Variants in FAM13A observed in about 807,000 individuals in gnomAD.
The protein encoded by FAM13A is family with sequence similarity 13 member A.
A neutral mutation model predicts 129.6 loss-of-function variants in FAM13A; 76 were observed. The observed-to-expected ratio is 0.59, with a 90% confidence interval of 0.49 to 0.71. The LOEUF is 0.71. Ranked by LOEUF, FAM13A falls within the 30% of genes least tolerant of loss-of-function variation. The pLI is 0.00. For synonymous variants in FAM13A, 443 were observed against 449.9 expected (o/e 0.98, Z 0.20); for missense variants, 1,108 against 1,249.3 (o/e 0.89, Z 1.70).
At chr4:88,742,162 T>A (rs949849926) in intron 19 of FAM13A, among the ~76,000 whole-genome samples, 1 of 152,194 alleles carries the variant, frequency 6.6e-6, no homozygotes, top group African/African-American at 2.4e-5. Flanking sequence ...TACTAGTTAT[T>A]TGGCAGAAAC....
intron 6 of FAM13A, among the ~76,000 whole-genome samples, chr4:88,869,133 T>C (rs1740935383): frequency 6.6e-6 from 1 of 152,212 alleles, no homozygotes; most frequent in Non-Finnish European, 1.5e-5. Flanking sequence ...ATAAGTCTAC[T>C]TTGTCTTCAT....
intron 6 of FAM13A, among the ~76,000 whole-genome samples, chr4:88,886,635 A>G (rs1744466892): frequency 6.7e-6 from 1 of 148,888 alleles, no homozygotes; most frequent in Admixed American, 6.7e-5. Flanking sequence ...GGCCTGGTGC[A>G]GTGGCTCACG....
chr4:88,959,060 T>C (rs1467201683), intron 4 of FAM13A, among the ~76,000 whole-genome samples: 1 of 152,258 alleles, frequency 6.6e-6, no homozygotes, highest in East Asian at 1.9e-4. Context: ...GTTTACCTAA[T>C]GCATATACCC....
intron 6 of FAM13A, among the ~76,000 whole-genome samples, chr4:88,890,103 T>C (rs1449383670): frequency 6.6e-6 from 1 of 152,116 alleles, no homozygotes; most frequent in Non-Finnish European, 1.5e-5. Flanking sequence ...GTCCAGCACA[T>C]GTGATGTTTT....
At chr4:88,986,226 C>T (rs778472672) in intron 4 of FAM13A, among the ~76,000 whole-genome samples, 23 of 152,086 alleles carry the variant, frequency 1.5e-4, no homozygotes, top group South Asian at 6.2e-4. Context: ...CTCCACCTCC[C>T]GGGTTCAAGT....
chr4:88,755,331 G>A (rs1422285032), intron 14 of FAM13A, among the ~76,000 whole-genome samples: 1 of 152,190 alleles, frequency 6.6e-6, no homozygotes, highest in Non-Finnish European at 1.5e-5. Flanking sequence ...CCTACTATGA[G>A]CCCATACTGT....
Position 88,787,899 on chromosome 4 carries a change from T to A in FAM13A, c.1125A>T (p.Glu375Asp), listed in dbSNP as rs770456748. ...AGTTATTAACATCAAAAAGATGTTG[T>A]TCTACAGCTGATCGGATGGTTCTTT... The part of the protein sequence containing the change: ...LLERTIRSAV[E>D]QHLFDVNNSG... Residue 375 changes from glutamate (E) to aspartate (D), a missense_variant, in exon 10 of 24, where the codon GAA becomes GAT. Physicochemically the swap from Glu to Asp is conservative, Grantham distance 45. Transcript: ENST00000264344. 5.0e-6 allele frequency: 8 copies of A among 1,613,266 alleles called. No individual in the cohort carries two copies. Among genetic ancestry groups the A allele is most frequent in the Middle Eastern group, 1.6e-4 (1 of 6,076 alleles).
chr4:88,787,786 T>A lies in FAM13A; in HGVS notation c.1238A>T (p.Lys413Met), dbSNP rs776089549. Reference protein sequence around the residue: ...TSARQRRRQSKEQDEVRHGRD... With the variant: ...TSARQRRRQSMEQDEVRHGRD... Reference sequence around the variant, plus strand: ...CCCATGTCGAACTTCATCCTGCTCCTTGGACTGGCGGCGGCGCTGTCTGGC... The same window carrying A: ...CCCATGTCGAACTTCATCCTGCTCCATGGACTGGCGGCGGCGCTGTCTGGC... Residue 413 changes from lysine (K) to methionine (M), a missense_variant, in exon 10 of 24, where the codon AAG becomes ATG. Lys to Met is a moderately conservative substitution (Grantham distance 95). Transcript: ENST00000264344. 1.2e-6 allele frequency: 2 copies of A among 1,613,658 alleles called. No homozygotes were observed. Among genetic ancestry groups the A allele is most frequent in the Non-Finnish European group, 1.7e-6 (2 of 1,179,694 alleles).
rs140652030 is a variant in FAM13A, at chr4:88,728,259, C to CTG, written c.*272_*273dup. 856 of 456,764 alleles carry CTG rather than the reference C, an allele frequency of 1.9e-3. 1 individual carries two copies. The highest frequency in any genetic ancestry group is 2.6e-3 in the Non-Finnish European group (655 of 250,552). 28.3% of individuals were successfully genotyped at this position (456,764 alleles called of 1,614,324 possible). ...TGCTAGTGTTAGGAAAGCTCCACTA[C>CTG]TGTGTGTGTGTGTGCGTGCATGCGC... On this transcript the variant is annotated 3_prime_UTR_variant, in exon 24 of 24. Coordinates refer to ENST00000264344, the MANE Select transcript of FAM13A (RefSeq NM_014883.4).
chr4:88,787,841 C>T lies in FAM13A; in HGVS notation c.1183G>A (p.Gly395Arg). The T allele has an allele frequency of 6.2e-7, 1 of 1,613,702 alleles. No individual in the cohort carries two copies. The highest frequency in any genetic ancestry group is 8.5e-7 in the Non-Finnish European group (1 of 1,179,756). Residue 395 changes from glycine to arginine, a missense_variant, in exon 10 of 24, where the codon GGA becomes AGA. This residue lies in a region of FAM13A where 566 missense variants were observed against 595.7 expected (regional missense o/e 0.95). Transcript: ENST00000264344. ...GGQSSEDSES[G>R]TLSASSATSA... ...GTGGCAGAAGATGCTGATAGTGTTC[C>T]AGATTCTGAGTCCTCTGAACTTTGA... is the stretch of plus-strand genomic sequence containing the variant.
At chr4:88,830,400 T>C (rs577308785) in intron 7 of FAM13A, among the ~76,000 whole-genome samples, 1 of 152,318 alleles carries the variant, frequency 6.6e-6, no homozygotes, top group African/African-American at 2.4e-5. Flanking sequence ...ATAGGAATAA[T>C]GGATTTCTAG....
At chr4:89,050,546 T>G (rs1159025723) in intron 1 of FAM13A, among the ~76,000 whole-genome samples, 2 of 149,198 alleles carry the variant, frequency 1.3e-5, no homozygotes, top group Non-Finnish European at 3.0e-5. Context: ...AAAAAACAGC[T>G]TTTTTTTTAC....
intron 1 of FAM13A, among the ~76,000 whole-genome samples, chr4:89,051,005 C>T (rs1013899976): frequency 1.3e-5 from 2 of 152,130 alleles, no homozygotes; most frequent in East Asian, 3.9e-4. Context: ...GTTGTACTAC[C>T]TAAGAAAATT....
intron 7 of FAM13A, chr4:88,823,325 C>A: frequency 8.9e-7 from 1 of 1,123,802 alleles, no homozygotes; most frequent in South Asian, 3.1e-5. Flanking sequence ...AGGCGCTCCT[C>A]CTCCTCCCCC....
intron 3 of FAM13A, among the ~76,000 whole-genome samples, chr4:88,997,733 T>C (rs572940193): frequency 6.6e-6 from 1 of 152,202 alleles, no homozygotes; most frequent in South Asian, 2.1e-4. Context: ...GAAAGAATAA[T>C]ATAAACTAAC....
chr4:88,861,887 A>G (rs1302304084), intron 6 of FAM13A, among the ~76,000 whole-genome samples: 1 of 152,228 alleles, frequency 6.6e-6, no homozygotes, highest in Non-Finnish European at 1.5e-5. Context: ...TAGAACAGAG[A>G]TACAGAAAAT....
intron 4 of FAM13A, among the ~76,000 whole-genome samples, chr4:88,962,295 T>A (rs2148919440): frequency 6.6e-6 from 1 of 152,158 alleles, no homozygotes; most frequent in East Asian, 1.9e-4. Flanking sequence ...ACTTAAATAT[T>A]TCACAAAAAA....
chr4:88,976,115 A>G (rs1760864606), intron 4 of FAM13A, among the ~76,000 whole-genome samples: 1 of 152,196 alleles, frequency 6.6e-6, no homozygotes, highest in Non-Finnish European at 1.5e-5. Flanking sequence ...GAAAGAAAAC[A>G]TGCGGTTTCA....
At chr4:88,838,464 A>G (rs545733292) in intron 7 of FAM13A, among the ~76,000 whole-genome samples, 1 of 152,298 alleles carries the variant, frequency 6.6e-6, no homozygotes, top group South Asian at 2.1e-4. Flanking sequence ...TTGGCCGGGC[A>G]CGGTGGCTCA....
Sources: gnomAD v4.1 joint callset for allele counts (sites outside exome capture counted in the v4.1 genomes callset) on GRCh38, gnomAD v4.1.1 for gene constraint, gnomAD v4.1.1 regional missense constraint, MANE v1.5 for transcripts, NCBI Gene and HGNC (gene_info 2026-07-23, HGNC 2026-07-21) for gene names.